PKP4: variants seen among roughly 807,000 people sequenced by gnomAD.
PKP4 encodes the protein plakophilin 4, also known as plakophilin-4.
In PKP4, 90 loss-of-function variants were observed where a neutral mutation model predicts 145.1. The observed-to-expected ratio is 0.62, with a 90% CI of 0.52 to 0.74. The LOEUF is 0.74. PKP4 is among the 30% of genes least tolerant of loss of function. PKP4 has a pLI of 0.00. For missense variants in PKP4, 1,340 were observed against 1,482.7 expected, an observed-to-expected ratio of 0.90 and a Z score of 1.58; for synonymous variants, 563 against 577.2, an observed-to-expected ratio of 0.98 and a Z score of 0.35.
intron 2 of PKP4, among the ~76,000 whole-genome samples, chr2:158,554,195 G>A (rs1003211815): frequency 1.3e-5 from 2 of 149,854 alleles, no homozygotes; most frequent in Non-Finnish European, 3.0e-5. Flanking sequence ...TAGCCTTCTG[G>A]CACTCACTGT....
chr2:158,567,755 C>G (rs1463243355), intron 2 of PKP4, among the ~76,000 whole-genome samples: 1 of 152,178 alleles, frequency 6.6e-6, no homozygotes, highest in East Asian at 1.9e-4. Context: ...GACCCCACAC[C>G]ACCATGGCAG....
intron 8 of PKP4, among the ~76,000 whole-genome samples, chr2:158,632,908 G>A (rs2053501581): frequency 6.6e-6 from 1 of 152,202 alleles, no homozygotes; most frequent in Admixed American, 6.5e-5. Context: ...AATAGATATT[G>A]TTTAAAATCT....
chr2:158,543,570 G>T (rs987222465), intron 2 of PKP4, among the ~76,000 whole-genome samples: 5 of 152,134 alleles, frequency 3.3e-5, no homozygotes, highest in African/African-American at 7.2e-5. Flanking sequence ...GTATATTCTG[G>T]TTAATAAGTC....
At chr2:158,468,125 G>A (rs1385223021) in intron 1 of PKP4, among the ~76,000 whole-genome samples, 1 of 152,126 alleles carries the variant, frequency 6.6e-6, no homozygotes, top group Admixed American at 6.5e-5. Context: ...TTTCTCTGGG[G>A]GAAATGCCCA....
intron 19 of PKP4, among the ~76,000 whole-genome samples, chr2:158,675,130 G>A (rs1235859710): frequency 6.6e-6 from 1 of 152,128 alleles, no homozygotes; most frequent in African/African-American, 2.4e-5. Context: ...AGGGTCTTGG[G>A]AATAGAGGTG....
Position 158,680,508 on chromosome 2 carries a change from ATAGCTATGAAGATCCT to A in PKP4, c.3413_3428del (p.Ser1138IlefsTer20). On this transcript the variant is annotated frameshift_variant, in exon 22 of 22. Coordinates refer to ENST00000389759, the MANE Select transcript of PKP4 (RefSeq NM_003628.6). LOFTEE classifies it high-confidence loss of function. ...TACAGATTGTATTTGCAGTCTCCTC[ATAGCTATGAAGATCCT>A]TATTTTGATGACCGAGTTCACTTTC... 6.2e-7 allele frequency: 1 copy of A among 1,613,930 alleles called. No individual in the cohort carries two copies. Among genetic ancestry groups the A allele is most frequent in the Non-Finnish European group, 8.5e-7 (1 of 1,179,798 alleles).
At chr2:158,656,895 G>A (rs1275450727) in intron 11 of PKP4, among the ~76,000 whole-genome samples, 2 of 152,162 alleles carry the variant, frequency 1.3e-5, no homozygotes, top group Non-Finnish European at 2.9e-5. Flanking sequence ...GGCTGAGCAG[G>A]TGGTGTCCAG....
intron 3 of PKP4, among the ~76,000 whole-genome samples, chr2:158,588,072 A>G (rs1253862305): frequency 6.6e-6 from 1 of 152,108 alleles, no homozygotes; most frequent in East Asian, 1.9e-4. Flanking sequence ...TAGACATTAA[A>G]CTGTTTAGCC....
chr2:158,639,483 C>T (rs909520512), intron 9 of PKP4, among the ~76,000 whole-genome samples: 1 of 152,080 alleles, frequency 6.6e-6, no homozygotes, highest in African/African-American at 2.4e-5. Flanking sequence ...AATTATCACT[C>T]GGTCATTAAT....
intron 2 of PKP4, among the ~76,000 whole-genome samples, chr2:158,543,078 T>C (rs183968830): frequency 6.6e-6 from 1 of 152,328 alleles, no homozygotes; most frequent in East Asian, 1.9e-4. Context: ...TCTCAATTTC[T>C]TTGTGCCATG....
intron 2 of PKP4, among the ~76,000 whole-genome samples, chr2:158,551,675 T>C (rs2045638411): frequency 6.6e-6 from 1 of 152,234 alleles, no homozygotes; most frequent in African/African-American, 2.4e-5. Context: ...CAACTATTTA[T>C]ATTTGCTAAT....
In PKP4 at chr2:158,658,283, C is replaced by G; in HGVS notation, c.2062C>G (p.Leu688Val). Residue 688 changes from leucine to valine, a missense_variant, in exon 12 of 22, where the codon CTA (leucine) becomes GTA (valine). By Grantham distance (32) the Leu-to-Val change is conservative. Coordinates refer to ENST00000389759, the MANE Select transcript of PKP4 (RefSeq NM_003628.6). ...DDHKIKFQTS[L>V]VLRNTTGCLR... Reference sequence around the variant, plus strand: ...TCATAAAATTAAATTTCAGACTTCACTAGTTCTGCGTAACACGACAGGTTG... The same window carrying G: ...TCATAAAATTAAATTTCAGACTTCAGTAGTTCTGCGTAACACGACAGGTTG... 6.2e-7 allele frequency: 1 copy of G among 1,606,244 alleles called. No individual in the cohort carries two copies. Among genetic ancestry groups the G allele is most frequent in the Non-Finnish European group, 8.5e-7 (1 of 1,174,910 alleles).
chr2:158,656,870 G>GT (rs2056000155), intron 11 of PKP4, among the ~76,000 whole-genome samples: 1 of 152,140 alleles, frequency 6.6e-6, no homozygotes, highest in Non-Finnish European at 1.5e-5. Flanking sequence ...TCTTTTACAG[G>GT]GGGCACCCAG....
chr2:158,662,664 C>T (rs1056313901), intron 13 of PKP4: 5 of 363,530 alleles, frequency 1.4e-5, no homozygotes, highest in Non-Finnish European at 2.0e-5. Context: ...GCATTTCGGT[C>T]GGCATGAAGT....
chr2:158,651,972 A>G (rs2055408836), intron 11 of PKP4, among the ~76,000 whole-genome samples: 1 of 152,082 alleles, frequency 6.6e-6, no homozygotes, highest in African/African-American at 2.4e-5. Context: ...CTGAGAACAG[A>G]TGGCTCCCCT....
intron 4 of PKP4, among the ~76,000 whole-genome samples, chr2:158,616,356 G>T (rs1157166565): frequency 1.3e-5 from 2 of 152,168 alleles, no homozygotes; most frequent in Non-Finnish European, 2.9e-5. Context: ...GCCGTAGGAG[G>T]CACTGGACAA....
chr2:158,456,963 C>T lies in PKP4; in HGVS notation c.-261C>T, dbSNP rs540169188. ...GGCGGCCTCTGGGCAGTAGAGGGGG[C>T]TCCGGGGCTGAGTCCGCGTCGACGC... On this transcript the variant is annotated 5_prime_UTR_variant, in exon 1 of 22. Transcript: ENST00000389759. The T allele has an allele frequency of 1.3e-5, 2 of 151,066 alleles. No individual in the cohort carries two copies. The highest frequency in any genetic ancestry group is 2.1e-4 in the East Asian group (1 of 4,836). 9.4% of individuals were successfully genotyped at this position (151,066 alleles called of 1,614,324 possible). A position where few individuals can be genotyped will look rare whatever the true frequency, so the allele number is the denominator to read the frequency against.
intron 2 of PKP4, among the ~76,000 whole-genome samples, chr2:158,555,591 C>G (rs2046018310): frequency 6.6e-6 from 1 of 152,134 alleles, no homozygotes; most frequent in Admixed American, 6.5e-5. Flanking sequence ...AATTTATACC[C>G]AAGTGTGGGA....
intron 19 of PKP4, 76 bp downstream of exon 19, chr2:158,674,076 A>G (rs1575127194): frequency 2.3e-6 from 2 of 870,778 alleles, no homozygotes; most frequent in African/African-American, 3.3e-5. Context: ...AGAAGATCAA[A>G]CATAAGCTGG....
Sources: allele counts gnomAD v4.1 joint callset (sites outside exome capture counted in the v4.1 genomes callset), GRCh38; gene constraint gnomAD v4.1.1; transcripts MANE v1.5; gene names NCBI Gene and HGNC (gene_info 2026-07-23, HGNC 2026-07-21).